The following BAIAP2L2 variants were observed in gnomAD, a reference collection of about 807,000 sequenced individuals.
BAIAP2L2 encodes BAR/IMD domain containing adaptor protein 2 like 2.
Under a neutral mutation model 60.4 loss-of-function variants are expected in BAIAP2L2, and 65 were observed. The observed-to-expected ratio is 1.08, with a 90% confidence interval of 0.88 to 1.32. BAIAP2L2 has a LOEUF of 1.32. Ranked by LOEUF, BAIAP2L2 falls within the 40% of genes most tolerant of loss-of-function variation. BAIAP2L2 has a pLI of 0.00. For synonymous variants in BAIAP2L2, 344 were observed against 301.7 expected (o/e 1.14, Z -1.45); for missense variants, 836 against 741.2 (o/e 1.13, Z -1.48).
rs1325047324 is a variant in BAIAP2L2, at chr22:38,088,749, C to A, written c.1117G>T (p.Ala373Ser). 6.3e-7 allele frequency: 1 copy of A among 1,596,758 alleles called. No homozygotes were observed. The highest frequency in any genetic ancestry group is 1.1e-5 in the South Asian group (1 of 90,198). Residue 373 changes from alanine (A) to serine (S), a missense_variant and splice_region_variant, in exon 10 of 14, where the codon GCG (alanine) becomes TCG (serine). By Grantham distance (99) the Ala-to-Ser change is moderately conservative. Coordinates refer to ENST00000381669, the MANE Select transcript of BAIAP2L2 (RefSeq NM_025045.6). Reference protein sequence around the residue: ...WLYGKLEGSSASGWFPEAYVK... With the variant: ...WLYGKLEGSSSSGWFPEAYVK... ...GGCCCCTCCAAGGCTCCCACTCACGCGGACGAGCCCTCCAGCTTGCCGTAG... is the reference window on the plus strand; with the variant it reads ...GGCCCCTCCAAGGCTCCCACTCACGAGGACGAGCCCTCCAGCTTGCCGTAG...
chr22:38,093,639 G>A (rs111887916), intron 7 of BAIAP2L2, among the ~76,000 whole-genome samples: 4 of 152,160 alleles, frequency 2.6e-5, no homozygotes, highest in Non-Finnish European at 4.4e-5. Context: ...TCTGGGAACC[G>A]GAAATCAATA....
intron 3 of BAIAP2L2, 36 bp from the exon 4 acceptor site, chr22:38,107,949 G>A (rs1337446102): frequency 2.5e-6 from 4 of 1,607,228 alleles, no homozygotes; most frequent in Non-Finnish European, 3.4e-6. Context: ...TTTGGTGTGT[G>A]GCAGCCTGCC....
intron 10 of BAIAP2L2, 34 bp downstream of exon 10, chr22:38,088,711 TCAA>T: frequency 1.9e-6 from 3 of 1,543,458 alleles, no homozygotes; most frequent in Non-Finnish European, 2.6e-6. Context: ...GGCCTTCTTC[TCAA>T]CCCACCCCCG....
chr22:38,089,322 T>TCGG, intron 8 of BAIAP2L2, 91 bp from the exon 9 acceptor site: 1 of 529,452 alleles, frequency 1.9e-6, no homozygotes, highest in East Asian at 3.9e-5. Context: ...GTCCCAGGCG[T>TCGG]CGGCGTAGGG....
intron 2 of BAIAP2L2, among the ~76,000 whole-genome samples, chr22:38,108,674 G>A (rs372684391): frequency 4.6e-5 from 7 of 152,210 alleles, no homozygotes; most frequent in African/African-American, 9.6e-5. Context: ...CACGGGGACC[G>A]AGTGAATGTC....
At chr22:38,095,343 A>T (rs947448265) in intron 7 of BAIAP2L2, among the ~76,000 whole-genome samples, 9 of 152,136 alleles carry the variant, frequency 5.9e-5, no homozygotes, top group Non-Finnish European at 1.0e-4. Context: ...GTTGGAGGGC[A>T]GGAAAATACT....
Position 38,107,858 on chromosome 22 carries a change from C to G in BAIAP2L2, c.270G>C (p.Glu90Asp). The change falls in exon 4 of 14, where the codon GAG (glutamate) becomes GAC (aspartate). Residue 90 changes from glutamate to aspartate, a missense_variant. By Grantham distance (45) the Glu-to-Asp change is conservative (BLOSUM62 2). Coordinates refer to ENST00000381669, the MANE Select transcript of BAIAP2L2 (RefSeq NM_025045.6). ...CCTGGGGCCTGATACTCACCACCAC[C>G]TCCAGGTCAGAGTTCAAGTGCCGCT... ...DTQRHLNSDL[E>D]VVVQTFHGGL... The G allele has an allele frequency of 6.2e-7, 1 of 1,613,516 alleles. No individual in the cohort carries two copies. Among genetic ancestry groups the G allele is most frequent in the Non-Finnish European group, 8.5e-7 (1 of 1,179,906 alleles).
chr22:38,109,824 G>A (rs1224194999), intron 1 of BAIAP2L2, among the ~76,000 whole-genome samples: 4 of 152,010 alleles, frequency 2.6e-5, no homozygotes, highest in Non-Finnish European at 2.9e-5. Flanking sequence ...TCCTCCCTCC[G>A]TGACCTTGAA....
rs185758992 is a variant in BAIAP2L2, at chr22:38,085,304, C to T, written c.1586G>A (p.Arg529His). Reference protein sequence around the residue: ...ITNDRSAPLIR With the variant: ...ITNDRSAPLIH Reference sequence around the variant, plus strand: ...GGTACGACCTCGGACCCCGCCTCAGCGGATGAGGGGTGCTGAGCGGTCATT... The same window carrying T: ...GGTACGACCTCGGACCCCGCCTCAGTGGATGAGGGGTGCTGAGCGGTCATT... The change falls in exon 14 of 14, where the codon CGC (arginine) becomes CAC (histidine). Residue 529 changes from arginine to histidine, a missense_variant. Arg to His is a conservative substitution (Grantham distance 29). Transcript: ENST00000381669. The T allele has an allele frequency of 2.1e-4, 345 of 1,613,698 alleles. No individual in the cohort carries two copies. The highest frequency in any genetic ancestry group is 2.8e-4 in the Non-Finnish European group (336 of 1,179,834).
intron 4 of BAIAP2L2, among the ~76,000 whole-genome samples, chr22:38,103,218 AAAATAAAT>A (rs751073031): frequency 1.3e-5 from 2 of 152,116 alleles, no homozygotes; most frequent in Non-Finnish European, 2.9e-5. Context: ...TCTGCCTCTG[AAAATAAAT>A]AAATAAATAA....
In BAIAP2L2 at chr22:38,098,182, G is replaced by A. The variant is rs963293226; in HGVS notation, c.349-3C>T. The A allele has an allele frequency of 1.2e-6, 2 of 1,613,872 alleles. No individual in the cohort carries two copies. The highest frequency in any genetic ancestry group is 1.7e-6 in the Non-Finnish European group (2 of 1,179,928). ...AGCTCATAGTGCTGGCGGCTGTCCT[G>A]GGGTAGGGTGGAGTCGGGGAGGGAG... On this transcript the variant is annotated splice_polypyrimidine_tract_variant and splice_region_variant and intron_variant, in intron 5 of 13. Transcript: ENST00000381669.
At chr22:38,105,149 T>C (rs908383200) in intron 4 of BAIAP2L2, among the ~76,000 whole-genome samples, 2 of 152,082 alleles carry the variant, frequency 1.3e-5, no homozygotes, top group African/African-American at 4.8e-5. Context: ...AGGTGTCCCT[T>C]TCACTGAGAG....
In BAIAP2L2 at chr22:38,109,201, A is replaced by G. The variant is rs763650137; in HGVS notation, c.59T>C (p.Met20Thr). Residue 20 changes from methionine to threonine, a missense_variant, in exon 2 of 14, where the codon ATG becomes ACG. Coordinates refer to ENST00000381669, the MANE Select transcript of BAIAP2L2 (RefSeq NM_025045.6). ...CTCCAGGGCGGGGTTAAACTGCTCC[A>G]TGATGCTCTGGACCCCAGGGTCAGG... ...RSTMAIYKSI[M>T]EQFNPALENL... 16 of 1,611,808 alleles carry G rather than the reference A, an allele frequency of 9.9e-6. No individual in the cohort carries two copies. Among genetic ancestry groups the G allele is most frequent in the Non-Finnish European group, 1.4e-5 (16 of 1,178,486 alleles).
chr22:38,110,328 C>G lies in BAIAP2L2; in HGVS notation c.51+147G>C, dbSNP rs914321387. The G allele has an allele frequency of 2.2e-5, 17 of 789,336 alleles. No individual in the cohort carries two copies. In the African/African-American group the frequency reaches 2.7e-4, roughly 13 times the overall value. 48.9% of individuals were successfully genotyped at this position (789,336 alleles called of 1,614,324 possible). A position where few individuals can be genotyped will look rare whatever the true frequency, so the allele number is the denominator to read the frequency against. The stretch of plus-strand genomic sequence containing the variant: ...GAGTGCTCTCGGGGATCCTTACCCC[C>G]GTACCCACCCCTGGCCCAGCCTGGC... On this transcript the variant is annotated intron_variant, in intron 1 of 13. Transcript: ENST00000381669.
At chr22:38,110,788 T>C (rs540936616), upstream of BAIAP2L2, 90 of 497,688 alleles carry the variant, frequency 1.8e-4, no homozygotes, top group East Asian at 3.2e-3. Flanking sequence ...TGACCTGCCC[T>C]TCAATTATTC....
In BAIAP2L2 at chr22:38,086,388, TGGAGTTGCCCGGCC is replaced by T. The variant is rs2086071955; in HGVS notation, c.1307_1320del (p.Arg436HisfsTer47). 1 of 1,482,520 alleles carries T rather than the reference TGGAGTTGCCCGGCC, an allele frequency of 6.7e-7. No individual in the cohort carries two copies. The highest frequency in any genetic ancestry group is 2.4e-5 in the East Asian group (1 of 41,986). 91.8% of individuals were successfully genotyped at this position (1,482,520 alleles called of 1,614,324 possible). ...CCATCCCAGTACTCCGAGGGTGCTA[TGGAGTTGCCCGGCC>T]GGTCCAGGAGGTCATCGAGGCTGTG... On this transcript the variant is annotated frameshift_variant, in exon 12 of 14. Coordinates refer to ENST00000381669, the MANE Select transcript of BAIAP2L2 (RefSeq NM_025045.6). LOFTEE classifies it high-confidence loss of function.
intron 4 of BAIAP2L2, among the ~76,000 whole-genome samples, chr22:38,106,082 C>T (rs1302748137): frequency 6.6e-6 from 1 of 152,152 alleles, no homozygotes; most frequent in Admixed American, 6.5e-5. Context: ...GGACAGGAAC[C>T]CACAGGCTCC....
At chr22:38,086,782 G>C (rs1025155117) in intron 11 of BAIAP2L2, among the ~76,000 whole-genome samples, 1 of 152,090 alleles carries the variant, frequency 6.6e-6, no homozygotes, top group Non-Finnish European at 1.5e-5. Flanking sequence ...GATCACCTGA[G>C]GTCAGGAGTT....
intron 4 of BAIAP2L2, among the ~76,000 whole-genome samples, chr22:38,103,459 A>G (rs989115899): frequency 6.6e-6 from 1 of 152,198 alleles, no homozygotes. Context: ...AAAAGTAAAA[A>G]CAGGGCTTCA....
Sources: gnomAD v4.1 joint callset for allele counts (sites outside exome capture counted in the v4.1 genomes callset) on GRCh38, gnomAD v4.1.1 for gene constraint, MANE v1.5 for transcripts, NCBI Gene and HGNC (gene_info 2026-07-23, HGNC 2026-07-21) for gene names.